Variants in SYT5 observed in about 807,000 individuals in gnomAD.
The protein encoded by SYT5 is synaptotagmin-5.
SYT5 carries 29 observed loss-of-function variants against 36.0 expected under a neutral mutation model. That is an observed-to-expected ratio of 0.81 (90% confidence interval 0.60 to 1.10). The LOEUF (loss-of-function observed/expected upper bound fraction) is 1.10, where lower values mean the gene tolerates loss of function less well. Ranked by LOEUF, SYT5 falls within the 50% of genes least tolerant of loss-of-function variation. The probability of loss-of-function intolerance (pLI) is 0.00; values close to 1 mark genes in which losing one functional copy is unlikely to be tolerated. For missense variants in SYT5, 512 were observed against 516.0 expected, an observed-to-expected ratio of 0.99 and a Z score of 0.08; for synonymous variants, 231 against 227.6, an observed-to-expected ratio of 1.02 and a Z score of -0.14.
At chr19:55,176,350 C>A in intron 3 of SYT5, 1 of 583,040 alleles carries the variant, frequency 1.7e-6, no homozygotes, top group Non-Finnish European at 3.0e-6. Context: ...CTGCTATGGG[C>A]AGGAACTAGA....
chr19:55,178,439 G>A (rs777132095), intron 2 of SYT5, 71 bp from the exon 3 acceptor site: 3 of 1,478,330 alleles, frequency 2.0e-6, no homozygotes, highest in East Asian at 2.3e-5. Context: ...CTGATTACAC[G>A]TGGAAGCTGG....
intron 3 of SYT5, among the ~76,000 whole-genome samples, chr19:55,176,546 A>G (rs772808508): frequency 6.6e-6 from 1 of 152,244 alleles, no homozygotes; most frequent in Non-Finnish European, 1.5e-5. Context: ...TGTACTTGCC[A>G]TTCTAAAGTT....
chr19:55,174,422 C>A, intron 8 of SYT5, 95 bp downstream of exon 8: 2 of 1,503,222 alleles, frequency 1.3e-6, no homozygotes, highest in African/African-American at 1.4e-5. Context: ...ACCCCCTCAC[C>A]TGGTTTCTAG....
In SYT5 at chr19:55,172,343, C is replaced by T. The variant is rs2086013723; in HGVS notation, c.*1141G>A. On this transcript the variant is annotated 3_prime_UTR_variant, in exon 9 of 9. Coordinates refer to ENST00000354308, the MANE Select transcript of SYT5 (RefSeq NM_003180.3). Reference sequence around the variant, plus strand: ...GGCTGAGGCAGGAGAATGGCGTGAACCCGGGAGGAGGAGCTTGCAGTGAGC... The same window carrying T: ...GGCTGAGGCAGGAGAATGGCGTGAATCCGGGAGGAGGAGCTTGCAGTGAGC... 1 of 151,716 alleles carries T rather than the reference C, an allele frequency of 6.6e-6. No individual in the cohort carries two copies. Among genetic ancestry groups the T allele is most frequent in the Non-Finnish European group, 1.5e-5 (1 of 67,964 alleles). 9.4% of individuals were successfully genotyped at this position (151,716 alleles called of 1,614,324 possible).
rs1373908565 is a variant in SYT5 at position 55,174,982 on chromosome 19, G to A, written c.726C>T (p.Asp242=). The change falls in exon 7 of 9, where the codon GAC becomes GAT. Residue 242 remains aspartate, a synonymous_variant. Transcript: ENST00000354308. ...APREEQEKLG[D]ICFSLRYVPT... The stretch of plus-strand genomic sequence containing the variant: ...GGACATAGCGGAGGGAGAAGCAGAT[G>A]TCCCCAAGCTTCTCCTGCTGAAAGG... 4 of 1,613,712 alleles carry A rather than the reference G, an allele frequency of 2.5e-6. No individual in the cohort carries two copies. Among genetic ancestry groups the A allele is most frequent in the Non-Finnish European group, 3.4e-6 (4 of 1,180,018 alleles).
In SYT5 at chr19:55,171,321, ACACAC is replaced by A. The variant is rs1289744448; in HGVS notation, c.*2158_*2162del. 3.9e-5 allele frequency: 5 copies of A among 129,796 alleles called. No homozygotes were observed. Among genetic ancestry groups the A allele is most frequent in the Admixed American group, 2.3e-4 (3 of 13,174 alleles). The allele number at this position is 129,796 out of a possible 1,614,324, so 8.0% of individuals were successfully genotyped here. A position where few individuals can be genotyped will look rare whatever the true frequency, so the allele number is the denominator to read the frequency against. ...GCTCTACAGCCACACACACACACAC[ACACAC>A]ACACACACACACACACACACTCACA... On this transcript the variant is annotated 3_prime_UTR_variant, in exon 9 of 9. Transcript: ENST00000354308.
rs2086099642 is a variant in SYT5, at chr19:55,178,258, G to C, written c.190C>G (p.Gln64Glu). The part of the protein sequence containing the change: ...SCRRRTGKKS[Q>E]AQAQVHLQEV... ...TGAAGGTGGACCTGGGCTTGGGCCT[G>C]GCTCTTCTTGCCTGTCCGCCTCCGA... The change falls in exon 3 of 9, where the codon CAG (glutamine) becomes GAG (glutamate). Residue 64 changes from glutamine to glutamate, a missense_variant. Physicochemically the swap from Gln to Glu is conservative, Grantham distance 29 (BLOSUM62 2). Transcript: ENST00000354308. 6.2e-6 allele frequency: 10 copies of C among 1,610,262 alleles called. No homozygotes were observed. In the East Asian group the frequency reaches 2.2e-4, roughly 36 times the overall value.
chr19:55,178,722 ATTCCATGCAACACCCCTTGATCCGG>A (rs1486087028), intron 2 of SYT5, among the ~76,000 whole-genome samples: 1 of 129,368 alleles, frequency 7.7e-6, no homozygotes, highest in Non-Finnish European at 1.6e-5. Flanking sequence ...CTAAGATCCC[ATTCCATGCAACACCCCTTGATCCGG>A]TTTCGATTTT....
chr19:55,173,431 AGTCTGGGGTC>A lies in SYT5; in HGVS notation c.*43_*52del. On this transcript the variant is annotated 3_prime_UTR_variant, in exon 9 of 9. Coordinates refer to ENST00000354308, the MANE Select transcript of SYT5 (RefSeq NM_003180.3). This position sits in a 1 kb window ranked among gnomAD's most constrained non-coding sequence, Gnocchi z 5.4. ...TGGCTTGGCTTTGGCCGGTCTCGGG[AGTCTGGGGTC>A]AGGGGCTAGAGTCCAGGCTTGGCCG... 1 of 1,298,082 alleles carries A rather than the reference AGTCTGGGGTC, an allele frequency of 7.7e-7. No homozygotes were observed. Among genetic ancestry groups the A allele is most frequent in the Non-Finnish European group, 9.8e-7 (1 of 1,022,912 alleles). 80.4% of individuals were successfully genotyped at this position (1,298,082 alleles called of 1,614,324 possible). A position where few individuals can be genotyped will look rare whatever the true frequency, so the allele number is the denominator to read the frequency against.
Position 55,179,160 on chromosome 19 carries a change from T to A in SYT5, c.-45-74A>T. ...AAAGAACTCCAACTCCCATGAGGCC[T>A]TTGCGCGAACAGCCGCGCAGAAACC... On this transcript the variant is annotated intron_variant, in intron 1 of 8. Coordinates refer to ENST00000354308, the MANE Select transcript of SYT5 (RefSeq NM_003180.3). The surrounding 1 kb of genome is among the most constrained non-coding windows in gnomAD (Gnocchi z 4.5). 1 of 1,536,134 alleles carries A rather than the reference T, an allele frequency of 6.5e-7. No homozygotes were observed. Among genetic ancestry groups the A allele is most frequent in the Non-Finnish European group, 8.7e-7 (1 of 1,146,068 alleles).
Position 55,173,955 on chromosome 19 carries a change from TG to T in SYT5, c.961-272del, listed in dbSNP as rs2086036420. On this transcript the variant is annotated intron_variant, in intron 8 of 8. Coordinates refer to ENST00000354308, the MANE Select transcript of SYT5 (RefSeq NM_003180.3). The surrounding 1 kb of genome is among the most constrained non-coding windows in gnomAD (Gnocchi z 5.4). ...CGGAGCGGGTGTGTTCGGCGCCTCC[TG>T]GGGGAGCAGCCTCCTAAGAGCCGCA... 1 of 384,076 alleles carries T rather than the reference TG, an allele frequency of 2.6e-6. No individual in the cohort carries two copies. Among genetic ancestry groups the T allele is most frequent in the East Asian group, 3.8e-5 (1 of 26,132 alleles). The allele number at this position is 384,076 out of a possible 1,614,324, so 23.8% of individuals were successfully genotyped here.
chr19:55,178,492 C>T, intron 2 of SYT5, 124 bp from the exon 3 acceptor site: 1 of 1,189,632 alleles, frequency 8.4e-7, no homozygotes, highest in East Asian at 2.6e-5. Flanking sequence ...CATTGCATTT[C>T]TTCCTGTGTT....
At chr19:55,178,136 G>A (rs2086097383) in intron 3 of SYT5, 60 bp downstream of exon 3, 2 of 1,553,572 alleles carry the variant, frequency 1.3e-6, no homozygotes, top group African/African-American at 1.4e-5. Context: ...GACCAGCTGG[G>A]CCATTGAGAG....
At position 55,175,336 on chromosome 19, in the gene SYT5, G is replaced by A. The variant is rs2147329655; in HGVS notation, c.544C>T (p.Pro182Ser). 4 of 1,533,082 alleles carry A rather than the reference G, an allele frequency of 2.6e-6. No homozygotes were observed. Among genetic ancestry groups the A allele is most frequent in the Non-Finnish European group, 3.5e-6 (4 of 1,143,294 alleles). The allele number at this position is 1,533,082 out of a possible 1,614,324, so 95.0% of individuals were successfully genotyped here. ...HFGETFAFKV[P>S]YVELGGRVLV... is the part of the protein sequence containing the mutation. ...ACCCTGCCCCCCAGCTCCACGTAGG[G>A]GACCTGGAGTGCACAGAGAATCCGC... is the stretch of plus-strand genomic sequence containing the variant. Residue 182 changes from proline (P) to serine (S), a missense_variant, in exon 6 of 9, where the codon CCC (proline) becomes TCC (serine). By Grantham distance (74) the Pro-to-Ser change is moderately conservative. Transcript: ENST00000354308. The surrounding 1 kb of genome is among the most constrained non-coding windows in gnomAD (Gnocchi z 4.5).
chr19:55,175,179 C>G lies in SYT5; in HGVS notation c.701G>C (p.Arg234Pro), dbSNP rs776619020. 3 of 1,599,246 alleles carry G rather than the reference C, an allele frequency of 1.9e-6. No homozygotes were observed. The highest frequency in any genetic ancestry group is 1.7e-5 in the Admixed American group (1 of 57,656). Residue 234 changes from arginine to proline, a missense_variant, in exon 6 of 9, where the codon CGG becomes CCG. Arg to Pro is a moderately radical substitution (Grantham distance 103). Coordinates refer to ENST00000354308, the MANE Select transcript of SYT5 (RefSeq NM_003180.3). The surrounding 1 kb of genome is among the most constrained non-coding windows in gnomAD (Gnocchi z 4.5). ...GCGACCGCGCATGCTCACCTCCTCCCGCGGAGCCGCCTGCAGCTCCCGCCA... is the reference window on the plus strand; with the variant it reads ...GCGACCGCGCATGCTCACCTCCTCCGGCGGAGCCGCCTGCAGCTCCCGCCA... ...QAWRELQAAP[R>P]EEQEKLGDIC...
rs1472317559 is a variant in SYT5 at position 55,180,193 on chromosome 19, G to A, written c.-122C>T. 6.6e-6 allele frequency: 1 copy of A among 152,414 alleles called. No homozygotes were observed. The highest frequency in any genetic ancestry group is 1.9e-4 in the East Asian group (1 of 5,194). 9.4% of individuals were successfully genotyped at this position (152,414 alleles called of 1,614,324 possible). On this transcript the variant is annotated 5_prime_UTR_variant, in exon 1 of 9. Coordinates refer to ENST00000354308, the MANE Select transcript of SYT5 (RefSeq NM_003180.3). The stretch of plus-strand genomic sequence containing the variant: ...CGCCCGGACCCCACCCCCTGCACGT[G>A]GGCGGTGGCGCTGTCCCGGGTGCTG...
chr19:55,178,401 C>G (rs372094030), intron 2 of SYT5, 33 bp from the exon 3 acceptor site: 23 of 1,596,154 alleles, frequency 1.4e-5, no homozygotes, highest in Non-Finnish European at 2.0e-5. Context: ...CACATTGAGG[C>G]CTGGGCAGCA....
In SYT5 at chr19:55,175,119, T is replaced by A; in HGVS notation, c.708+53A>T. The A allele has an allele frequency of 6.3e-7, 1 of 1,575,474 alleles. No individual in the cohort carries two copies. The highest frequency in any genetic ancestry group is 8.6e-7 in the Non-Finnish European group (1 of 1,165,398). On this transcript the variant is annotated intron_variant, in intron 6 of 8. Coordinates refer to ENST00000354308, the MANE Select transcript of SYT5 (RefSeq NM_003180.3). This position sits in a 1 kb window ranked among gnomAD's most constrained non-coding sequence, Gnocchi z 4.5. ...ATGATCTGATTGGCTCAGGATGTTG[T>A]GGGCGGGACTGGGCCTGGGGGCGTG...
rs747868194 is a variant in SYT5 at position 55,175,730 on chromosome 19, A to G, written c.519T>C (p.Phe173=). ...TCACCTTGAAGGCGAAGGTCTCCCC[A>G]AAGTGAGGGTTCAGCGTCTGCCGAT... ...KVHRQTLNPH[F]GETFAFKVPY... is the part of the protein sequence containing the mutation. The change falls in exon 5 of 9, where the codon TTT becomes TTC. Residue 173 remains phenylalanine (F), a synonymous_variant. Transcript: ENST00000354308. The surrounding 1 kb of genome is among the most constrained non-coding windows in gnomAD (Gnocchi z 4.5). 6.2e-7 allele frequency: 1 copy of G among 1,613,942 alleles called. No homozygotes were observed. The highest frequency in any genetic ancestry group is 8.5e-7 in the Non-Finnish European group (1 of 1,180,022).
Sources: gnomAD v4.1 joint callset for allele counts (sites outside exome capture counted in the v4.1 genomes callset) on GRCh38, gnomAD v4.1.1 for gene constraint, Gnocchi (gnomAD v3.1) non-coding constraint, MANE v1.5 for transcripts, NCBI Gene and HGNC (gene_info 2026-07-23, HGNC 2026-07-21) for gene names.